Variants in SPATA6 observed in about 807,000 individuals in gnomAD.
SPATA6 encodes spermatogenesis associated 6, also known as spermatogenesis-associated protein 6.
Under a neutral mutation model 65.3 loss-of-function variants are expected in SPATA6, and 56 were observed. That is an observed-to-expected ratio of 0.86 (90% CI 0.69 to 1.07). SPATA6 has a LOEUF of 1.07. Among genes scored for constraint, SPATA6 ranks in the 50% least tolerant of loss-of-function variants. The pLI is 0.00. For missense variants in SPATA6, 590 were observed against 594.8 expected (o/e 0.99, Z 0.08); for synonymous variants, 199 against 213.2 (o/e 0.93, Z 0.58).
At chr1:48,361,467 C>A (rs1445487883) in intron 9 of SPATA6, among the ~76,000 whole-genome samples, 1 of 152,030 alleles carries the variant, frequency 6.6e-6, no homozygotes, top group Admixed American at 6.6e-5. Flanking sequence ...GAGTGAAAAT[C>A]TGAAGTTGAA....
chr1:48,381,333 AC>A (rs1205105610), intron 9 of SPATA6, among the ~76,000 whole-genome samples: 2 of 152,224 alleles, frequency 1.3e-5, no homozygotes, highest in Non-Finnish European at 2.9e-5. Flanking sequence ...CATAAGAATC[AC>A]CCAGAAACTT....
intron 3 of SPATA6, chr1:48,436,400 G>A: frequency 1.2e-6 from 2 of 1,611,396 alleles, no homozygotes; most frequent in Non-Finnish European, 1.7e-6. Flanking sequence ...GGTTCAGCAA[G>A]TCAACTCTTG....
intron 9 of SPATA6, among the ~76,000 whole-genome samples, chr1:48,379,983 T>A (rs183729600): frequency 6.6e-6 from 1 of 152,308 alleles, no homozygotes; most frequent in Admixed American, 6.5e-5. Context: ...GTAGCTTAAT[T>A]TAATCATTCC....
chr1:48,339,342 G>A (rs978155610), intron 11 of SPATA6, among the ~76,000 whole-genome samples: 1 of 151,750 alleles, frequency 6.6e-6, no homozygotes, highest in Non-Finnish European at 1.5e-5. Context: ...GCCTAGAAGA[G>A]GTATAGACAT....
intron 11 of SPATA6, among the ~76,000 whole-genome samples, chr1:48,315,084 C>A (rs573018284): frequency 6.6e-6 from 1 of 152,068 alleles, no homozygotes; most frequent in African/African-American, 2.4e-5. Context: ...CAGGACCAGA[C>A]GGATTCACAG....
intron 9 of SPATA6, among the ~76,000 whole-genome samples, chr1:48,378,131 A>G (rs1302213732): frequency 6.6e-6 from 1 of 152,184 alleles, no homozygotes; most frequent in African/African-American, 2.4e-5. Flanking sequence ...TAAGTTTCCA[A>G]CAGTTGGAGG....
chr1:48,343,193 C>T (rs1396899201), intron 11 of SPATA6, among the ~76,000 whole-genome samples: 2 of 152,056 alleles, frequency 1.3e-5, no homozygotes, highest in Non-Finnish European at 2.9e-5. Context: ...ATGTGGCCTA[C>T]TAGGGCCACA....
chr1:48,387,039 C>A (rs55781172), intron 8 of SPATA6, among the ~76,000 whole-genome samples: 1 of 152,318 alleles, frequency 6.6e-6, no homozygotes, highest in East Asian at 1.9e-4. Context: ...TACAGTTCCA[C>A]GTAGCTGGGG....
intron 9 of SPATA6, among the ~76,000 whole-genome samples, chr1:48,375,604 T>C (rs1237429395): frequency 1.3e-5 from 2 of 152,142 alleles, no homozygotes; most frequent in African/African-American, 2.4e-5. Context: ...GTTTCTAGAA[T>C]TGCAAATCTG....
At chr1:48,384,987 C>T (rs966464483) in intron 9 of SPATA6, among the ~76,000 whole-genome samples, 1 of 152,092 alleles carries the variant, frequency 6.6e-6, no homozygotes, top group African/African-American at 2.4e-5. Context: ...CTATGAATGA[C>T]TGAAATTTGG....
chr1:48,262,005 C>T, the SPATA6 span, among the ~76,000 whole-genome samples: 2 of 152,012 alleles, frequency 1.3e-5, no homozygotes, highest in Non-Finnish European at 2.9e-5. Context: ...GGGAATAAAA[C>T]TAACTTACAT....
intron 5 of SPATA6, among the ~76,000 whole-genome samples, chr1:48,408,551 C>G (rs899523425): frequency 5.3e-5 from 8 of 152,138 alleles, no homozygotes; most frequent in Non-Finnish European, 1.0e-4. Context: ...TATGAACCAA[C>G]AGGTAAACAT....
chr1:48,339,757 G>T (rs757889197), intron 11 of SPATA6, among the ~76,000 whole-genome samples: 1 of 151,904 alleles, frequency 6.6e-6, no homozygotes, highest in Non-Finnish European at 1.5e-5. Flanking sequence ...TGGAAAGAGC[G>T]CAAGAAACTT....
chr1:48,321,346 C>A (rs1056191423), intron 11 of SPATA6, among the ~76,000 whole-genome samples: 1 of 152,074 alleles, frequency 6.6e-6, no homozygotes, highest in East Asian at 1.9e-4. Context: ...AGATTTCATG[C>A]AAATGGAAAT....
At chr1:48,294,088 CTTAA>C (rs1209261508), downstream of SPATA6, among the ~76,000 whole-genome samples, 2 of 152,060 alleles carry the variant, frequency 1.3e-5, no homozygotes, top group Non-Finnish European at 2.9e-5. Context: ...GGATTTCTTT[CTTAA>C]TTATTATTAT....
intron 11 of SPATA6, among the ~76,000 whole-genome samples, chr1:48,351,616 C>A (rs559365560): frequency 2.0e-5 from 3 of 152,034 alleles, no homozygotes; most frequent in Non-Finnish European, 4.4e-5. Context: ...TACTGCATTT[C>A]TGCAATAAGT....
At chr1:48,362,467 C>T (rs538235685) in intron 9 of SPATA6, among the ~76,000 whole-genome samples, 1 of 152,134 alleles carries the variant, frequency 6.6e-6, no homozygotes, top group Non-Finnish European at 1.5e-5. Flanking sequence ...TTATATAAAG[C>T]CTTTTATAGG....
At position 48,399,560 on chromosome 1, in the gene SPATA6, A is replaced by G; in HGVS notation, c.571T>C (p.Ser191Pro). ...TATTTACTTCTCTCAGGTGACTTGGATTTTTTCTTTTGTGATCTTGATGTT... is the reference window on the plus strand; with the variant it reads ...TATTTACTTCTCTCAGGTGACTTGGGTTTTTTCTTTTGTGATCTTGATGTT... Reference protein sequence around the residue: ...NRTSRSQKKKSKSPERSKYCI... With the variant: ...NRTSRSQKKKPKSPERSKYCI... Residue 191 changes from serine (S) to proline (P), a missense_variant, in exon 7 of 13, where the codon TCC becomes CCC. Physicochemically the swap from Ser to Pro is moderately conservative, Grantham distance 74. Transcript: ENST00000371847. 2 of 1,612,662 alleles carry G rather than the reference A, an allele frequency of 1.2e-6. No homozygotes were observed. The highest frequency in any genetic ancestry group is 1.7e-6 in the Non-Finnish European group (2 of 1,179,274).
At chr1:48,437,525 A>T (rs1159165115) in intron 3 of SPATA6, among the ~76,000 whole-genome samples, 1 of 152,078 alleles carries the variant, frequency 6.6e-6, no homozygotes, top group Non-Finnish European at 1.5e-5. Flanking sequence ...GAGCCAGTTA[A>T]TTTTTTTCAG....
Sources: gnomAD v4.1 joint callset for allele counts (sites outside exome capture counted in the v4.1 genomes callset) on GRCh38, gnomAD v4.1.1 for gene constraint, MANE v1.5 for transcripts, NCBI Gene and HGNC (gene_info 2026-07-23, HGNC 2026-07-21) for gene names.